Variants in CTDP1 observed in about 807,000 individuals in gnomAD.
The protein encoded by CTDP1 is RNA polymerase II subunit A C-terminal domain phosphatase.
CTDP1 carries 47 observed loss-of-function variants against 91.8 expected under a neutral mutation model. That is an observed-to-expected ratio of 0.51 (90% CI 0.41 to 0.65). CTDP1 has a LOEUF of 0.65. Among genes scored for constraint, CTDP1 ranks in the 30% least tolerant of loss-of-function variants. The pLI, the probability that CTDP1 is intolerant of heterozygous loss-of-function variation, is 0.00. For missense variants in CTDP1, 1,272 were observed against 1,373.7 expected, an observed-to-expected ratio of 0.93 and a Z score of 1.17; for synonymous variants, 656 against 598.5, an observed-to-expected ratio of 1.10 and a Z score of -1.40.
chr18:79,679,923 ACCGC>A lies in CTDP1; in HGVS notation c.-14_-11del, dbSNP rs1230776269. 2.0e-5 allele frequency: 28 copies of A among 1,369,702 alleles called. No individual in the cohort carries two copies. The highest frequency in any genetic ancestry group is 1.0e-4 in the South Asian group (7 of 67,962). 84.8% of individuals were successfully genotyped at this position (1,369,702 alleles called of 1,614,324 possible). A position where few individuals can be genotyped will look rare whatever the true frequency, so the allele number is the denominator to read the frequency against. On this transcript the variant is annotated 5_prime_UTR_variant, in exon 1 of 13. Coordinates refer to ENST00000613122, the MANE Select transcript of CTDP1 (RefSeq NM_004715.5). ...TGAGCGCAGCGCAGGCCCCGTACCG[ACCGC>A]CCGCCCGCCCTCTGTCCGCGATGGA...
intron 3 of CTDP1, 131 bp downstream of exon 3, chr18:79,696,201 C>T (rs1270903996): frequency 1.3e-6 from 1 of 790,824 alleles, no homozygotes; most frequent in Non-Finnish European, 2.1e-6. Flanking sequence ...CCCCTCATCA[C>T]ACGGATGACT....
In CTDP1 at chr18:79,694,602, C is replaced by T. The variant is rs182388130; in HGVS notation, c.315-623C>T. 8.4e-3 allele frequency among the ~76,000 whole-genome samples: 324 copies of T among 38,790 alleles called. 4 individuals carry two copies. The East Asian group carries it at 0.14, about 17-fold the overall frequency. The allele number at this position is 38,790 out of a possible 152,430, so 25.4% of individuals were successfully genotyped here. On this transcript the variant is annotated intron_variant, in intron 1 of 12. Coordinates refer to ENST00000613122, the MANE Select transcript of CTDP1 (RefSeq NM_004715.5). ...GTGGTCTCATGTTCGCAGGGTGGGGCGGTCGGAGCAGCCCGGCTGGGGTGG... is the reference window on the plus strand; with the variant it reads ...GTGGTCTCATGTTCGCAGGGTGGGGTGGTCGGAGCAGCCCGGCTGGGGTGG...
At chr18:79,677,330 A>G (rs1330231541), upstream of CTDP1, 1 of 152,274 alleles carries the variant, frequency 6.6e-6, no homozygotes, top group African/African-American at 2.4e-5. Flanking sequence ...TTCAGGAATC[A>G]GGGAACCCCT....
rs1672563858 is a variant in CTDP1 at position 79,753,921 on chromosome 18, A to C, written c.*131A>C. On this transcript the variant is annotated 3_prime_UTR_variant, in exon 13 of 13. Coordinates refer to ENST00000613122, the MANE Select transcript of CTDP1 (RefSeq NM_004715.5). ...CATGTATATTTGCAGAGCTCCACAT[A>C]CAGAAACACATTATTTTGCAGAAAT... 3 of 1,222,652 alleles carry C rather than the reference A, an allele frequency of 2.5e-6. No homozygotes were observed. Among genetic ancestry groups the C allele is most frequent in the Admixed American group, 2.3e-5 (1 of 43,878 alleles). 75.7% of individuals were successfully genotyped at this position (1,222,652 alleles called of 1,614,324 possible). A position where few individuals can be genotyped will look rare whatever the true frequency, so the allele number is the denominator to read the frequency against.
At chr18:79,724,386 A>G (rs930966348) in intron 10 of CTDP1, among the ~76,000 whole-genome samples, 1 of 152,246 alleles carries the variant, frequency 6.6e-6, no homozygotes, top group Non-Finnish European at 1.5e-5. Context: ...CTTTTTAAAG[A>G]AACTGCCAGA....
intron 5 of CTDP1, 86 bp downstream of exon 5, chr18:79,705,003 A>G: frequency 1.3e-6 from 2 of 1,584,312 alleles, no homozygotes; most frequent in Admixed American, 1.7e-5. Flanking sequence ...ATGAAGAAAG[A>G]AAAGAAGCTC....
intron 4 of CTDP1, among the ~76,000 whole-genome samples, chr18:79,698,524 G>GAAACCCTTC (rs1240886412): frequency 6.6e-6 from 1 of 152,186 alleles, no homozygotes; most frequent in East Asian, 1.9e-4. Context: ...TAATGCACAC[G>GAAACCCTTC]AAACCCTTCC....
At position 79,736,503 on chromosome 18, in the gene CTDP1, CAG is replaced by C; in HGVS notation, c.2730_2731del (p.Gly912ProfsTer12). ...CCTGCGTCCAGCGAGAGGAGCGCGG[CAG>C]GGGGCCGGGGGCCCAGGTGAGTGCG... On this transcript the variant is annotated frameshift_variant, in exon 12 of 13. Transcript: ENST00000613122. LOFTEE classifies it high-confidence loss of function. 1 of 1,545,534 alleles carries C rather than the reference CAG, an allele frequency of 6.5e-7. No individual in the cohort carries two copies. Among genetic ancestry groups the C allele is most frequent in the Non-Finnish European group, 8.7e-7 (1 of 1,144,768 alleles).
Position 79,714,906 on chromosome 18 carries a change from A to C in CTDP1, c.1446A>C (p.Arg482Ser). 1 of 1,569,596 alleles carries C rather than the reference A, an allele frequency of 6.4e-7. No homozygotes were observed. Among genetic ancestry groups the C allele is most frequent in the Non-Finnish European group, 8.6e-7 (1 of 1,157,562 alleles). The change falls in exon 8 of 13, where the codon AGA becomes AGC. Residue 482 changes from arginine to serine, a missense_variant. Arg to Ser is a moderately radical substitution (Grantham distance 110, BLOSUM62 -1). Transcript: ENST00000613122. The stretch of plus-strand genomic sequence containing the variant: ...CTGATGGCGAAAGCGAGGGGAAAAG[A>C]GGCCGGCAGAAGCCGAAGGCTGCCC... ...SASDGESEGK[R>S]GRQKPKAAPE...
chr18:79,723,056 G>A (rs1273412585), intron 10 of CTDP1, among the ~76,000 whole-genome samples: 2 of 152,318 alleles, frequency 1.3e-5, no homozygotes, highest in East Asian at 3.9e-4. Context: ...TCCACGTGTG[G>A]ACCCCTAGTG....
chr18:79,695,899 T>C, intron 2 of CTDP1, 78 bp from the exon 3 acceptor site: 1 of 1,141,740 alleles, frequency 8.8e-7, no homozygotes, highest in Non-Finnish European at 1.3e-6. Context: ...TCAGCTAGAA[T>C]CCTGTCACTT....
intron 10 of CTDP1, among the ~76,000 whole-genome samples, chr18:79,722,568 G>A (rs1232649086): frequency 6.6e-6 from 1 of 152,204 alleles, no homozygotes; most frequent in African/African-American, 2.4e-5. Flanking sequence ...CAGCGTTGTT[G>A]TGGCTGCAGC....
chr18:79,718,085 G>A (rs569753051), intron 10 of CTDP1, 69 bp downstream of exon 10: 21 of 1,570,368 alleles, frequency 1.3e-5, no homozygotes, highest in East Asian at 2.3e-5. Flanking sequence ...CAGTCTGTTG[G>A]GGGGATGGCG....
At chr18:79,692,986 TGGC>T (rs1358935280) in intron 1 of CTDP1, among the ~76,000 whole-genome samples, 1 of 152,150 alleles carries the variant, frequency 6.6e-6, no homozygotes, top group Non-Finnish European at 1.5e-5. Context: ...GTTTGGGTGT[TGGC>T]GGTGGGGCCG....
chr18:79,704,888 G>C lies in CTDP1; in HGVS notation c.743G>C (p.Gly248Ala). The C allele has an allele frequency of 1.9e-6, 3 of 1,613,494 alleles. No homozygotes were observed. The highest frequency in any genetic ancestry group is 1.7e-5 in the Admixed American group (1 of 60,030). The part of the protein sequence containing the change: ...KLYELHVFTF[G>A]SRLYAHTIAG... ...TACGAGCTGCACGTCTTCACCTTCG[G>C]CAGCCGGCTGTACGCACACACCATC... Residue 248 changes from glycine to alanine, a missense_variant, in exon 5 of 13, where the codon GGC becomes GCC. This residue lies in a region of CTDP1 where 177 missense variants were observed against 283.0 expected (regional missense o/e 0.63). Transcript: ENST00000613122.
At chr18:79,720,534 A>G (rs1270913634) in intron 10 of CTDP1, among the ~76,000 whole-genome samples, 1 of 151,110 alleles carries the variant, frequency 6.6e-6, no homozygotes, top group Non-Finnish European at 1.5e-5. Flanking sequence ...ACCACCCGTC[A>G]TTAGCGCATT....
At chr18:79,721,827 TA>T (rs1242965125) in intron 10 of CTDP1, among the ~76,000 whole-genome samples, 2 of 141,334 alleles carry the variant, frequency 1.4e-5, no homozygotes, top group Non-Finnish European at 3.0e-5. Context: ...TATTTTTATT[TA>T]TTTTTTTTTT....
chr18:79,697,724 G>A (rs2085775412), intron 3 of CTDP1, 136 bp from the exon 4 acceptor site: 10 of 1,333,712 alleles, frequency 7.5e-6, no homozygotes, highest in Admixed American at 1.8e-5. Flanking sequence ...CTCTCGGCCT[G>A]TACGGCGCAG....
At chr18:79,731,887 A>G (rs1011940385) in intron 11 of CTDP1, among the ~76,000 whole-genome samples, 2 of 152,124 alleles carry the variant, frequency 1.3e-5, no homozygotes, top group African/African-American at 4.8e-5. Context: ...GAACTCACTA[A>G]CATCAGGAGT....
Sources: gnomAD v4.1 joint callset for allele counts (sites outside exome capture counted in the v4.1 genomes callset) on GRCh38, gnomAD v4.1.1 for gene constraint, gnomAD v4.1.1 regional missense constraint, MANE v1.5 for transcripts, NCBI Gene and HGNC (gene_info 2026-07-23, HGNC 2026-07-21) for gene names.